Variants in THSD7B observed in about 807,000 individuals in gnomAD.
THSD7B encodes the protein thrombospondin type 1 domain containing 7B.
A neutral mutation model predicts 213.6 loss-of-function variants in THSD7B; 138 were observed. The observed-to-expected ratio is 0.65, with a 90% CI of 0.56 to 0.74. The LOEUF (loss-of-function observed/expected upper bound fraction) is 0.74. THSD7B is among the 30% of genes least tolerant of loss of function. The probability of loss-of-function intolerance (pLI) is 0.00; values close to 1 mark genes in which losing one functional copy is unlikely to be tolerated. For missense variants in THSD7B, 1,931 were observed against 1,991.5 expected (o/e 0.97, Z 0.58); for synonymous variants, 742 against 687.0 (o/e 1.08, Z -1.25).
At chr2:137,243,005 A>T (rs923208466) in intron 10 of THSD7B, among the ~76,000 whole-genome samples, 27 of 152,230 alleles carry the variant, frequency 1.8e-4, no homozygotes, top group African/African-American at 6.3e-4. Flanking sequence ...CATGGATTAC[A>T]AGAGCAGATA....
chr2:137,176,537 G>A (rs948278501), intron 7 of THSD7B, among the ~76,000 whole-genome samples: 5 of 152,164 alleles, frequency 3.3e-5, no homozygotes, highest in Non-Finnish European at 7.4e-5. Flanking sequence ...CAGATTCAGA[G>A]AAATGGCCCT....
At chr2:137,341,090 C>T (rs902205810) in intron 12 of THSD7B, among the ~76,000 whole-genome samples, 1 of 149,322 alleles carries the variant, frequency 6.7e-6, no homozygotes, top group Non-Finnish European at 1.5e-5. Context: ...TCCCTTTTCT[C>T]GACATCCTTG....
At chr2:137,314,413 T>C (rs1219070167) in intron 12 of THSD7B, among the ~76,000 whole-genome samples, 6 of 152,272 alleles carry the variant, frequency 3.9e-5, no homozygotes, top group African/African-American at 1.2e-4. Context: ...TTCTTCTAAA[T>C]TTTTTTCACA....
intron 12 of THSD7B, among the ~76,000 whole-genome samples, chr2:137,347,980 A>C (rs79298042): frequency 6.6e-6 from 1 of 151,506 alleles, no homozygotes; most frequent in Non-Finnish European, 1.5e-5. Context: ...AAAAAAAAAA[A>C]CATAGAAAGC....
intron 2 of THSD7B, among the ~76,000 whole-genome samples, chr2:136,899,056 C>T (rs1437111939): frequency 6.6e-6 from 1 of 151,990 alleles, no homozygotes; most frequent in Non-Finnish European, 1.5e-5. Context: ...TAGCAAATAC[C>T]CTTTAAAGTA....
At chr2:137,485,516 G>A (rs961023199) in intron 15 of THSD7B, among the ~76,000 whole-genome samples, 5 of 152,104 alleles carry the variant, frequency 3.3e-5, no homozygotes, top group South Asian at 2.1e-4. Flanking sequence ...CCAAATCTAC[G>A]TCTGATTGGT....
chr2:137,326,032 G>A (rs1005813004), intron 12 of THSD7B, among the ~76,000 whole-genome samples: 12 of 152,088 alleles, frequency 7.9e-5, no homozygotes, highest in Non-Finnish European at 1.5e-4. Flanking sequence ...GACTTGGATC[G>A]GGTCACAGTC....
intron 5 of THSD7B, among the ~76,000 whole-genome samples, chr2:137,131,401 A>C (rs1388582086): frequency 6.6e-6 from 1 of 152,076 alleles, no homozygotes; most frequent in African/African-American, 2.4e-5. Context: ...CCATTTGTCA[A>C]TGTTGGCTTT....
chr2:136,963,774 G>C (rs1685270552), intron 2 of THSD7B, among the ~76,000 whole-genome samples: 1 of 152,230 alleles, frequency 6.6e-6, no homozygotes, highest in Non-Finnish European at 1.5e-5. Flanking sequence ...GAGAGTTACT[G>C]AGAAGAAAGA....
chr2:137,166,883 T>G (rs2104991027), intron 6 of THSD7B, among the ~76,000 whole-genome samples: 1 of 152,298 alleles, frequency 6.6e-6, no homozygotes, highest in Middle Eastern at 3.4e-3. Flanking sequence ...GGCGTTCTGT[T>G]AACTTCTCAT....
intron 5 of THSD7B, among the ~76,000 whole-genome samples, chr2:137,156,617 C>A (rs1292984544): frequency 6.6e-6 from 1 of 152,186 alleles, no homozygotes; most frequent in Admixed American, 6.5e-5. Context: ...TCACAACCCC[C>A]ATAATCCTCA....
chr2:137,554,059 A>G (rs148418208), intron 15 of THSD7B, among the ~76,000 whole-genome samples: 24 of 151,266 alleles, frequency 1.6e-4, no homozygotes, highest in African/African-American at 5.1e-4. Context: ...AAAATCATCA[A>G]CTGATACCTT....
intron 25 of THSD7B, among the ~76,000 whole-genome samples, chr2:137,663,060 A>T (rs1257185047): frequency 6.1e-5 from 9 of 147,622 alleles, no homozygotes; most frequent in Non-Finnish European, 1.2e-4. Flanking sequence ...GTGAAACTCC[A>T]TCTAAAAAAA....
intron 15 of THSD7B, among the ~76,000 whole-genome samples, chr2:137,507,053 C>T (rs1375867852): frequency 1.3e-5 from 2 of 152,158 alleles, no homozygotes; most frequent in Non-Finnish European, 2.9e-5. Context: ...TTTGAGAGGG[C>T]AGCACAGTAC....
At chr2:137,471,073 C>A (rs1031325877) in intron 15 of THSD7B, among the ~76,000 whole-genome samples, 2 of 152,016 alleles carry the variant, frequency 1.3e-5, no homozygotes, top group South Asian at 2.1e-4. Flanking sequence ...GCACTTGCCA[C>A]CACGCCTGGC....
At chr2:137,283,084 A>T (rs540903404) in intron 12 of THSD7B, among the ~76,000 whole-genome samples, 1 of 152,218 alleles carries the variant, frequency 6.6e-6, no homozygotes, top group South Asian at 2.1e-4. Context: ...TATTTCATTG[A>T]TCAGTGATTT....
Position 137,659,674 on chromosome 2 carries a change from C to A in THSD7B, c.4386C>A (p.Ser1462=). 1 of 1,600,284 alleles carries A rather than the reference C, an allele frequency of 6.2e-7. No homozygotes were observed. Among genetic ancestry groups the A allele is most frequent in the Non-Finnish European group, 8.5e-7 (1 of 1,173,188 alleles). Residue 1462 remains serine (S), a synonymous_variant, in exon 25 of 28, where the codon TCC becomes TCA. Transcript: ENST00000409968. ...SDGVNVTGGC[S]PQARPAAIRQ... ...GAATTTCCTTTGCAGGAGGCTGCTCCCCTCAGGCCCGTCCTGCTGCCATTC... is the reference window on the plus strand; with the variant it reads ...GAATTTCCTTTGCAGGAGGCTGCTCACCTCAGGCCCGTCCTGCTGCCATTC...
chr2:137,088,276 AAGGTGCAT>A (rs1294551003), intron 3 of THSD7B, among the ~76,000 whole-genome samples: 3 of 151,814 alleles, frequency 2.0e-5, no homozygotes, highest in Non-Finnish European at 2.9e-5. Flanking sequence ...AATTTAAAAA[AAGGTGCAT>A]AGACCAATGG....
rs1467921860 is a variant in THSD7B at position 136,766,014 on chromosome 2, C to T, written c.-36+327C>T. Among the ~76,000 whole-genome samples the T allele has an allele frequency of 2.0e-5, 3 of 152,210 alleles. No individual in the cohort carries two copies. The East Asian group carries it at 5.8e-4, about 29-fold the overall frequency. ...ACGGGACCGAACCTTGGGACCCGGG[C>T]AGCAGGAGCTCTGTTCCCTTCACCT... On this transcript the variant is annotated intron_variant, in intron 1 of 27. Transcript: ENST00000409968.
Sources: allele counts gnomAD v4.1 joint callset (sites outside exome capture counted in the v4.1 genomes callset), GRCh38; gene constraint gnomAD v4.1.1; transcripts MANE v1.5; gene names NCBI Gene and HGNC (gene_info 2026-07-23, HGNC 2026-07-21).